Variants in IL1RAPL1 observed in about 807,000 individuals in gnomAD.
The protein encoded by IL1RAPL1 is interleukin 1 receptor accessory protein like 1.
Under a neutral mutation model 48.4 loss-of-function variants are expected in IL1RAPL1, and 3 were observed. The observed-to-expected ratio is 0.06, with a 90% CI of 0.03 to 0.16. The LOEUF (loss-of-function observed/expected upper bound fraction) is 0.16. Among genes scored for constraint, IL1RAPL1 ranks in the 10% least tolerant of loss-of-function variants. IL1RAPL1 has a pLI of 1.00. For synonymous variants in IL1RAPL1, 185 were observed against 187.7 expected (o/e 0.99, Z 0.12); for missense variants, 349 against 530.6 (o/e 0.66, Z 3.36).
chrX:28,626,719 C>A (rs1258146553), intron 1 of IL1RAPL1, among the ~76,000 whole-genome samples: 1 of 112,531 alleles, frequency 8.9e-6, no homozygotes, highest in African/African-American at 3.2e-5. Context: ...ATAACAGTTT[C>A]AAAGTGCAAG....
chrX:29,187,963 C>G (rs948860951), intron 2 of IL1RAPL1, among the ~76,000 whole-genome samples: 1 of 111,938 alleles, frequency 8.9e-6, no homozygotes, highest in African/African-American at 3.2e-5. Flanking sequence ...CCCTCTAGAG[C>G]TCTACTCTAC....
At chrX:29,295,469 C>G in intron 3 of IL1RAPL1, among the ~76,000 whole-genome samples, 1 of 111,659 alleles carries the variant, frequency 9.0e-6, no homozygotes, top group South Asian at 3.8e-4. Flanking sequence ...AAAGGTGTAA[C>G]TTTGCATCTT....
intron 2 of IL1RAPL1, among the ~76,000 whole-genome samples, chrX:29,269,159 C>T (rs927197344): frequency 1.8e-5 from 2 of 112,133 alleles, no homozygotes; most frequent in African/African-American, 6.5e-5. Flanking sequence ...TAGTGATTTA[C>T]TGCATTAAGT....
chrX:29,059,191 C>T (rs922662972), intron 2 of IL1RAPL1, among the ~76,000 whole-genome samples: 7 of 111,266 alleles, frequency 6.3e-5, no homozygotes, highest in Non-Finnish European at 9.4e-5. Context: ...CAAATTTTAT[C>T]TTGGAAAGTA....
At chrX:29,495,185 A>G (rs1258630707) in intron 5 of IL1RAPL1, among the ~76,000 whole-genome samples, 2 of 112,123 alleles carry the variant, frequency 1.8e-5, no homozygotes, top group East Asian at 5.6e-4. Context: ...CTGTTTCAGT[A>G]GCTGTTCCTT....
chrX:29,217,773 TCTCTCACACACA>T lies in IL1RAPL1; in HGVS notation c.83-65163_83-65152del, dbSNP rs1161926320. Among the ~76,000 whole-genome samples the T allele has an allele frequency of 2.3e-3, 160 of 71,032 alleles. 2 individuals are homozygous for T. The highest frequency in any genetic ancestry group is 6.4e-3 in the East Asian group (17 of 2,656). The allele number at this position is 71,032 out of a possible 115,157, so 61.7% of individuals were successfully genotyped here. A position where few individuals can be genotyped will look rare whatever the true frequency, so the allele number is the denominator to read the frequency against. ...TACATTTTTTCTCTCTCTCTCTCTCTCTCTCACACACACACACACACACACACACACACACAC... is the reference window on the plus strand; with the variant it reads ...TACATTTTTTCTCTCTCTCTCTCTCTCACACACACACACACACACACACAC... On this transcript the variant is annotated intron_variant, in intron 2 of 10. Coordinates refer to ENST00000378993, the MANE Select transcript of IL1RAPL1 (RefSeq NM_014271.4).
chrX:29,148,431 C>T (rs762373787), intron 2 of IL1RAPL1, among the ~76,000 whole-genome samples: 13 of 111,689 alleles, frequency 1.2e-4, no homozygotes, highest in Non-Finnish European at 2.1e-4. Flanking sequence ...TCTTTCTCCT[C>T]GGCAAAAACA....
intron 5 of IL1RAPL1, among the ~76,000 whole-genome samples, chrX:29,576,523 T>A (rs1444877856): frequency 8.9e-6 from 1 of 111,771 alleles, no homozygotes; most frequent in Non-Finnish European, 1.9e-5. Flanking sequence ...TTTTTAAAGA[T>A]CCTTTTGGTC....
chrX:29,244,914 A>C (rs765700869), intron 2 of IL1RAPL1, among the ~76,000 whole-genome samples: 1 of 109,805 alleles, frequency 9.1e-6, no homozygotes, highest in Non-Finnish European at 1.9e-5. Context: ...TCTTAATGCT[A>C]TCTCTCCCCT....
intron 1 of IL1RAPL1, among the ~76,000 whole-genome samples, chrX:28,631,841 G>A (rs774199213): frequency 1.3e-4 from 15 of 112,301 alleles, no homozygotes; most frequent in Non-Finnish European, 2.1e-4. Context: ...TTAACGTTAA[G>A]TGGAAAAAAT....
intron 6 of IL1RAPL1, among the ~76,000 whole-genome samples, chrX:29,803,507 GTATA>G (rs762518806): frequency 3.4e-5 from 3 of 88,627 alleles, no homozygotes; most frequent in South Asian, 9.7e-4. Context: ...ATACATATGT[GTATA>G]TATGTATATA....
At chrX:29,797,860 G>A (rs776852172) in intron 6 of IL1RAPL1, among the ~76,000 whole-genome samples, 12 of 111,343 alleles carry the variant, frequency 1.1e-4, no homozygotes, top group South Asian at 3.8e-4. Flanking sequence ...GCAACACAGC[G>A]AGACTCCATC....
At chrX:29,369,993 A>G (rs1933521805) in intron 3 of IL1RAPL1, 1 of 111,723 alleles carries the variant, frequency 9.0e-6, no homozygotes, top group Admixed American at 9.6e-5. Context: ...TTTATGATTC[A>G]TGGTGTCTTT....
chrX:29,717,465 C>A (rs1202471587), intron 6 of IL1RAPL1, among the ~76,000 whole-genome samples: 1 of 112,136 alleles, frequency 8.9e-6, no homozygotes, highest in Non-Finnish European at 1.9e-5. Flanking sequence ...CTGGGAAGGT[C>A]TTTTGCCTGA....
At chrX:29,441,431 ACATGAATGTAAC>A (rs753894790) in intron 5 of IL1RAPL1, among the ~76,000 whole-genome samples, 26 of 112,298 alleles carry the variant, frequency 2.3e-4, no homozygotes, top group African/African-American at 8.1e-4. Context: ...TTACTGTTCC[ACATGAATGTAAC>A]CATTGTTGAT....
chrX:29,874,061 G>A (rs1328783438), intron 6 of IL1RAPL1, among the ~76,000 whole-genome samples: 2 of 111,946 alleles, frequency 1.8e-5, no homozygotes, highest in African/African-American at 6.5e-5. Context: ...GTGTTTTCTA[G>A]CATCTCTCAT....
intron 3 of IL1RAPL1, among the ~76,000 whole-genome samples, chrX:29,311,382 T>C (rs1358068670): frequency 3.6e-5 from 4 of 112,040 alleles, no homozygotes; most frequent in African/African-American, 1.3e-4. Flanking sequence ...AAATGTACTC[T>C]ACCAGGGCTT....
intron 3 of IL1RAPL1, among the ~76,000 whole-genome samples, chrX:29,294,896 T>TA (rs201342310): frequency 0.021 from 2,387 of 111,048 alleles, 77 homozygotes; most frequent in African/African-American, 0.074. Context: ...TAAATAATGG[T>TA]AAAAAAATGC....
intron 5 of IL1RAPL1, among the ~76,000 whole-genome samples, chrX:29,520,864 T>C (rs948553455): frequency 2.7e-5 from 3 of 111,349 alleles, no homozygotes; most frequent in Non-Finnish European, 3.8e-5. Flanking sequence ...TCTTAACAAG[T>C]AGGGTTTTGC....
Sources: gnomAD v4.1 joint callset for allele counts (sites outside exome capture counted in the v4.1 genomes callset) on GRCh38, gnomAD v4.1.1 for gene constraint, MANE v1.5 for transcripts, NCBI Gene and HGNC (gene_info 2026-07-23, HGNC 2026-07-21) for gene names.